The following SLC47A2 variants were observed in gnomAD, a reference collection of about 807,000 sequenced individuals.
The protein encoded by SLC47A2 is solute carrier family 47 member 2.
A neutral mutation model predicts 67.7 loss-of-function variants in SLC47A2; 52 were observed. The observed-to-expected ratio is 0.77, with a 90% CI of 0.61 to 0.97. The LOEUF (loss-of-function observed/expected upper bound fraction) is 0.97. Ranked by LOEUF, SLC47A2 falls within the 50% of genes least tolerant of loss-of-function variation. SLC47A2 has a pLI of 0.00. For synonymous variants in SLC47A2, 278 were observed against 292.9 expected, an observed-to-expected ratio of 0.95 and a Z score of 0.52; for missense variants, 676 against 712.3, an observed-to-expected ratio of 0.95 and a Z score of 0.58.
chr17:19,718,738 C>T (rs1055602048), upstream of SLC47A2: 5 of 152,260 alleles, frequency 3.3e-5, no homozygotes, highest in Non-Finnish European at 4.4e-5. Flanking sequence ...ATGCATTGGC[C>T]GCCCCAGGCA....
intron 13 of SLC47A2, chr17:19,702,377 T>A (rs1237846133): frequency 1.0e-6 from 1 of 985,442 alleles, no homozygotes; most frequent in Non-Finnish European, 1.2e-6. Flanking sequence ...AGTTCTTTGC[T>A]AATCTGCATT....
chr17:19,694,375 T>C (rs182210469), intron 13 of SLC47A2, among the ~76,000 whole-genome samples: 1 of 152,344 alleles, frequency 6.6e-6, no homozygotes, highest in African/African-American at 2.4e-5. Flanking sequence ...CAAAACTCCC[T>C]GTAAAGCTAC....
chr17:19,708,031 C>T (rs867573698), intron 7 of SLC47A2, among the ~76,000 whole-genome samples, 188 bp from the exon 8 acceptor site: 5 of 152,202 alleles, frequency 3.3e-5, no homozygotes, highest in Non-Finnish European at 5.9e-5. Context: ...CCAAGGCAGC[C>T]GTGACTACAG....
rs1362772489 is a variant in SLC47A2 at position 19,713,920 on chromosome 17, C to T, written c.348G>A (p.Ala116=). The change falls in exon 4 of 17, where the codon GCG becomes GCA. Residue 116 remains alanine, a synonymous_variant. Transcript: ENST00000433844. ...KHVGVILQRG[A]LVLLLCCLPC... is the part of the protein sequence containing the mutation. ...GGAGGCAGCAGAGGAGCAGGACCAG[C>T]GCGCCCCGCTGCAGGATCACGCCCA... The T allele has an allele frequency of 1.2e-6, 2 of 1,613,558 alleles. No individual in the cohort carries two copies. The highest frequency in any genetic ancestry group is 2.7e-5 in the African/African-American group (2 of 74,908).
chr17:19,685,150 A>G lies in SLC47A2; in HGVS notation c.1165-3480T>C, dbSNP rs879055682. 6.6e-6 allele frequency among the ~76,000 whole-genome samples: 1 copy of G among 152,116 alleles called. No individual in the cohort carries two copies. The highest frequency in any genetic ancestry group is 6.5e-5 in the Admixed American group (1 of 15,292). On this transcript the variant is annotated intron_variant, in intron 13 of 16. Transcript: ENST00000433844. The surrounding 1 kb of genome is among the most constrained non-coding windows in gnomAD (Gnocchi z 4.5). ...CGGAGTCTCGCTCACTCAATGCTCA[A>G]TGTTGCCCAGGCTGGAGTGCAGTGG...
chr17:19,706,827 T>C (rs2085952895), intron 8 of SLC47A2, 66 bp from the exon 9 acceptor site: 5 of 1,281,778 alleles, frequency 3.9e-6, no homozygotes, highest in Non-Finnish European at 4.4e-6. Context: ...TGCTCCCCAC[T>C]GCCAGGAGGC....
Position 19,705,442 on chromosome 17 carries a change from G to A in SLC47A2, c.903C>T (p.Thr301=), listed in dbSNP as rs1267753284. Residue 301 remains threonine (T), a synonymous_variant, in exon 10 of 17, where the codon ACC becomes ACT. Transcript: ENST00000433844. ...ACCCCTGCAGGAGCCTTACCATGTAGGTCACAGTGGCCACCTCGTAGATGA... is the reference window on the plus strand; with the variant it reads ...ACCCCTGCAGGAGCCTTACCATGTAAGTCACAGTGGCCACCTCGTAGATGA... ...QAVIYEVATV[T]YMIPLGLSIG... 1.2e-6 allele frequency: 2 copies of A among 1,611,984 alleles called. No homozygotes were observed. Among genetic ancestry groups the A allele is most frequent in the Non-Finnish European group, 1.7e-6 (2 of 1,179,316 alleles).
In SLC47A2 at chr17:19,707,800, C is replaced by T. The variant is rs143558800; in HGVS notation, c.673G>A (p.Val225Ile). 2.0e-4 allele frequency: 325 copies of T among 1,605,160 alleles called. No individual in the cohort carries two copies. Among genetic ancestry groups the T allele is most frequent in the East Asian group, 1.4e-3 (63 of 44,282 alleles). Residue 225 changes from valine (V) to isoleucine (I), a missense_variant, in exon 8 of 17, where the codon GTC becomes ATC. Physicochemically the swap from Val to Ile is conservative, Grantham distance 29. Coordinates refer to ENST00000433844, the MANE Select transcript of SLC47A2 (RefSeq NM_001099646.3). ...AGCACAATGTAGAGAAGGAGGAAGA[C>T]GGTCTGTGCAAACTGGGAGATGATG... ...ANIISQFAQTVFLLLYIVLKK... is the reference protein window; with the variant it reads ...ANIISQFAQTIFLLLYIVLKK...
At position 19,687,048 on chromosome 17, in the gene SLC47A2, CAA is replaced by C. The variant is rs1486360212; in HGVS notation, c.1165-5380_1165-5379del. ...TCAAGGACAGACCATATTTGAGTCA[CAA>C]AACAAGTCTTAAAAAATTCAGAAAA... On this transcript the variant is annotated intron_variant, in intron 13 of 16. Coordinates refer to ENST00000433844, the MANE Select transcript of SLC47A2 (RefSeq NM_001099646.3). Among the ~76,000 whole-genome samples, 3 of 152,114 alleles carry C rather than the reference CAA, an allele frequency of 2.0e-5. No individual in the cohort carries two copies. The East Asian group carries it at 5.8e-4, about 29-fold the overall frequency.
At chr17:19,714,667 G>T in intron 3 of SLC47A2, 54 bp downstream of exon 3, 1 of 1,603,260 alleles carries the variant, frequency 6.2e-7, no homozygotes. Flanking sequence ...TGGCACCTGT[G>T]GAATTGGCTC....
Position 19,713,875 on chromosome 17 carries a change from G to A in SLC47A2, c.393C>T (p.Leu131=). Residue 131 remains leucine, a synonymous_variant, in exon 4 of 17, where the codon CTC becomes CTT. Transcript: ENST00000433844. The stretch of plus-strand genomic sequence containing the variant: ...AGAGCAGCAGGATGTGCTGGGTGTT[G>A]AGGAAGAGCGCCCAGCAAGGGAGGC... ...LCCLPCWALF[L]NTQHILLLFR... is the part of the protein sequence containing the mutation. 6.2e-7 allele frequency: 1 copy of A among 1,613,764 alleles called. No individual in the cohort carries two copies. Among genetic ancestry groups the A allele is most frequent in the Non-Finnish European group, 8.5e-7 (1 of 1,179,932 alleles).
chr17:19,703,174 G>A lies in SLC47A2; in HGVS notation c.1019-7C>T, dbSNP rs988660356. 1.2e-6 allele frequency: 2 copies of A among 1,613,868 alleles called. No homozygotes were observed. Among genetic ancestry groups the A allele is most frequent in the African/African-American group, 2.7e-5 (2 of 74,940 alleles). ...AGGACCAGGGAAATGCCAACTGGAA[G>A]AGACAAAAGGTGCAGCAATGACAGA... On this transcript the variant is annotated splice_polypyrimidine_tract_variant and splice_region_variant and intron_variant, in intron 11 of 16. Coordinates refer to ENST00000433844, the MANE Select transcript of SLC47A2 (RefSeq NM_001099646.3).
At chr17:19,703,432 C>T (rs1009861073) in intron 11 of SLC47A2, among the ~76,000 whole-genome samples, 1 of 152,230 alleles carries the variant, frequency 6.6e-6, no homozygotes, top group African/African-American at 2.4e-5. Flanking sequence ...ATTAGCATCA[C>T]GTGGGAACTT....
At chr17:19,696,332 C>T (rs2085662825) in intron 13 of SLC47A2, among the ~76,000 whole-genome samples, 1 of 150,056 alleles carries the variant, frequency 6.7e-6, no homozygotes, top group Non-Finnish European at 1.5e-5. Context: ...CAGAGTGGTG[C>T]GCACCTGTAG....
At chr17:19,714,570 G>A in intron 3 of SLC47A2, 151 bp downstream of exon 3, 1 of 818,332 alleles carries the variant, frequency 1.2e-6, no homozygotes, top group Admixed American at 1.9e-5. Context: ...ACAGCCTGTG[G>A]TCCTTGGAGG....
At chr17:19,684,051 C>T (rs2085368546) in intron 13 of SLC47A2, among the ~76,000 whole-genome samples, 1 of 152,094 alleles carries the variant, frequency 6.6e-6, no homozygotes, top group African/African-American at 2.4e-5. Context: ...TGCGGTAGGC[C>T]ACAAAACAAA....
chr17:19,716,836 G>A (rs2086281161), upstream of SLC47A2: 2 of 418,744 alleles, frequency 4.8e-6, no homozygotes, highest in Non-Finnish European at 4.3e-6. Flanking sequence ...GGGATTGGCA[G>A]TAAGGCCTCA....
intron 13 of SLC47A2, among the ~76,000 whole-genome samples, chr17:19,698,463 A>G (rs1231283187): frequency 2.6e-5 from 4 of 152,052 alleles, no homozygotes; most frequent in Admixed American, 2.6e-4. Flanking sequence ...AGCAATTCTC[A>G]TGCTCAGCCA....
At chr17:19,716,860 C>G (rs1036690172), upstream of SLC47A2, 1 of 333,546 alleles carries the variant, frequency 3.0e-6, no homozygotes, top group African/African-American at 2.1e-5. Flanking sequence ...GGAGAAGGTC[C>G]AGGGCTGCCT....
Sources: allele counts gnomAD v4.1 joint callset (sites outside exome capture counted in the v4.1 genomes callset), GRCh38; gene constraint gnomAD v4.1.1; non-coding constraint Gnocchi (gnomAD v3.1); transcripts MANE v1.5; gene names NCBI Gene and HGNC (gene_info 2026-07-23, HGNC 2026-07-21).